Variants in ADAM10 observed in about 807,000 individuals in gnomAD.
ADAM10 encodes disintegrin and metalloproteinase domain-containing protein 10.
A neutral mutation model predicts 90.1 loss-of-function variants in ADAM10; 17 were observed. The observed-to-expected ratio is 0.19, with a 90% CI of 0.13 to 0.28. The LOEUF is 0.28. Ranked by LOEUF, ADAM10 falls within the 10% of genes least tolerant of loss-of-function variation. The pLI, the probability that ADAM10 is intolerant of heterozygous loss-of-function variation, is 1.00. For missense variants in ADAM10, 610 were observed against 914.3 expected (o/e 0.67, Z 4.29); for synonymous variants, 310 against 298.6 (o/e 1.04, Z -0.40).
At chr15:58,640,583 C>G (rs868703299) in intron 8 of ADAM10, among the ~76,000 whole-genome samples, 194 bp downstream of exon 8, 1 of 152,036 alleles carries the variant, frequency 6.6e-6, no homozygotes, top group Non-Finnish European at 1.5e-5. Context: ...TCCCTGTATG[C>G]GTTTCAAAAT....
intron 2 of ADAM10, among the ~76,000 whole-genome samples, chr15:58,694,714 G>A (rs936602203): frequency 6.6e-6 from 1 of 150,528 alleles, no homozygotes; most frequent in Non-Finnish European, 1.5e-5. Context: ...AGAGAAAGAT[G>A]TATTCATATA....
chr15:58,686,470 G>A, intron 2 of ADAM10: 2 of 1,395,588 alleles, frequency 1.4e-6, no homozygotes, highest in Non-Finnish European at 2.0e-6. Context: ...TCAAGTTGGA[G>A]GCTGGCGTGG....
At chr15:58,623,309 G>C (rs1895843346) in intron 10 of ADAM10, among the ~76,000 whole-genome samples, 1 of 152,194 alleles carries the variant, frequency 6.6e-6, no homozygotes, top group Admixed American at 6.5e-5. Flanking sequence ...TGGGAACCCA[G>C]ACCCTCAGGG....
At chr15:58,741,514 C>T (rs1419645800) in intron 1 of ADAM10, among the ~76,000 whole-genome samples, 1 of 152,192 alleles carries the variant, frequency 6.6e-6, no homozygotes, top group Non-Finnish European at 1.5e-5. Flanking sequence ...CAGACGCTGA[C>T]ACCCATCCCA....
At chr15:58,661,926 C>G (rs987709923) in intron 5 of ADAM10, among the ~76,000 whole-genome samples, 3 of 152,044 alleles carry the variant, frequency 2.0e-5, no homozygotes, top group Non-Finnish European at 4.4e-5. Context: ...CCATTTGGTT[C>G]TTTATTAGAA....
At chr15:58,633,945 G>A (rs1344389955) in intron 8 of ADAM10, among the ~76,000 whole-genome samples, 3 of 150,580 alleles carry the variant, frequency 2.0e-5, no homozygotes, top group Non-Finnish European at 3.0e-5. Context: ...AGGAAAAAGA[G>A]AAGATGGGTG....
rs116297074 is a variant in ADAM10 at position 58,627,484 on chromosome 15, T to C, written c.1360+216A>G. Among the ~76,000 whole-genome samples the C allele has an allele frequency of 8.3e-3, 1,264 of 152,274 alleles. 22 individuals are homozygous for C. Among genetic ancestry groups the C allele is most frequent in the African/African-American group, 0.029 (1,212 of 41,550 alleles). Reference sequence around the variant, plus strand: ...ATTTGCAGACTAAAATGTTTAGGTGTGAAGTATACTGATGGCTGCAACTTA... The same window carrying C: ...ATTTGCAGACTAAAATGTTTAGGTGCGAAGTATACTGATGGCTGCAACTTA... On this transcript the variant is annotated intron_variant, in intron 10 of 15. Coordinates refer to ENST00000260408, the MANE Select transcript of ADAM10 (RefSeq NM_001110.4).
At chr15:58,726,567 CAAAAAAAAAAA>C (rs71116593) in intron 1 of ADAM10, among the ~76,000 whole-genome samples, 7 of 20,776 alleles carry the variant, frequency 3.4e-4, no homozygotes, top group Admixed American at 3.4e-3. Flanking sequence ...CTCAGTCTCC[CAAAAAAAAAAA>C]AAAAAAAAAA....
chr15:58,731,511 C>T (rs1899239589), intron 1 of ADAM10, among the ~76,000 whole-genome samples: 1 of 152,036 alleles, frequency 6.6e-6, no homozygotes, highest in African/African-American at 2.4e-5. Context: ...ACTTGTTGTC[C>T]CAGCTGCTCA....
intron 2 of ADAM10, among the ~76,000 whole-genome samples, chr15:58,698,772 T>C (rs1898050644): frequency 1.3e-5 from 2 of 151,866 alleles, no homozygotes; most frequent in Non-Finnish European, 2.9e-5. Flanking sequence ...TAAAGAAGAA[T>C]AAACACAGCA....
intron 4 of ADAM10, chr15:58,672,309 A>T (rs1433383318): frequency 6.4e-6 from 1 of 155,470 alleles, no homozygotes; most frequent in Non-Finnish European, 1.4e-5. Context: ...TGGTAAAAGA[A>T]GATCCTAAGA....
intron 1 of ADAM10, among the ~76,000 whole-genome samples, chr15:58,733,934 C>T (rs1899345898): frequency 6.7e-6 from 1 of 150,264 alleles, no homozygotes; most frequent in Admixed American, 6.6e-5. Context: ...AATAATATTA[C>T]ACTAAGGCTG....
chr15:58,714,216 A>G (rs1898574362), intron 2 of ADAM10, among the ~76,000 whole-genome samples: 1 of 152,012 alleles, frequency 6.6e-6, no homozygotes, highest in Non-Finnish European at 1.5e-5. Context: ...GAAAACTTGG[A>G]AGCCATGCTG....
At position 58,592,079 on chromosome 15, in the gene ADAM10, T is replaced by C. The variant is rs1392025150; in HGVS notation, c.*5468A>G. 3 of 152,224 alleles carry C rather than the reference T, an allele frequency of 2.0e-5. No individual in the cohort carries two copies. The highest frequency in any genetic ancestry group is 4.4e-5 in the Non-Finnish European group (3 of 68,056). The allele number at this position is 152,224 out of a possible 1,614,324, so 9.4% of individuals were successfully genotyped here. ...CCCTTGTATATTATTTGTCCCTCTG[T>C]CCCCTGTATTTCTAATGAAGGGGTA... On this transcript the variant is annotated 3_prime_UTR_variant, in exon 16 of 16. Transcript: ENST00000260408.
At chr15:58,675,215 C>T (rs1190084321) in intron 4 of ADAM10, among the ~76,000 whole-genome samples, 2 of 152,100 alleles carry the variant, frequency 1.3e-5, no homozygotes, top group Admixed American at 1.3e-4. Flanking sequence ...CTGGGCTTTT[C>T]TATACCCCAC....
intron 5 of ADAM10, among the ~76,000 whole-genome samples, chr15:58,661,380 C>A (rs1430947422): frequency 6.6e-6 from 1 of 152,012 alleles, no homozygotes; most frequent in Non-Finnish European, 1.5e-5. Context: ...TTAAAAAGAT[C>A]TTTAATTTGC....
At chr15:58,632,052 G>A (rs1232879770) in intron 9 of ADAM10, among the ~76,000 whole-genome samples, 1 of 152,168 alleles carries the variant, frequency 6.6e-6, no homozygotes, top group African/African-American at 2.4e-5. Context: ...TTGCACTTTT[G>A]CAAGTGATAA....
At position 58,694,525 on chromosome 15, in the gene ADAM10, G is replaced by A. The variant is rs150272357; in HGVS notation, c.207-12211C>T. On this transcript the variant is annotated intron_variant, in intron 2 of 15. Coordinates refer to ENST00000260408, the MANE Select transcript of ADAM10 (RefSeq NM_001110.4). ...AATCCCAGTACTTTGGGAGGCTGAG[G>A]GAAACCCCATCTAAAACAAACAAAC... Among the ~76,000 whole-genome samples the A allele has an allele frequency of 2.6e-5, 4 of 152,110 alleles. No homozygotes were observed. In the East Asian group the frequency reaches 5.8e-4, roughly 22 times the overall value.
rs1292584560 is a variant in ADAM10 at position 58,621,096 on chromosome 15, T to TA, written c.1511+374dup. 8.5e-3 allele frequency among the ~76,000 whole-genome samples: 1,256 copies of TA among 148,490 alleles called. 16 individuals are homozygous for TA. The highest frequency in any genetic ancestry group is 0.029 in the African/African-American group (1,185 of 40,616). On this transcript the variant is annotated intron_variant, in intron 11 of 15. Coordinates refer to ENST00000260408, the MANE Select transcript of ADAM10 (RefSeq NM_001110.4). Reference sequence around the variant, plus strand: ...TGGGCAAATGGCGTAACTCTGTCTCTAAAAAAAAATACAAAAATTAGCTGG... The same window carrying TA: ...TGGGCAAATGGCGTAACTCTGTCTCTAAAAAAAAAATACAAAAATTAGCTGG...
Sources: gnomAD v4.1 joint callset for allele counts (sites outside exome capture counted in the v4.1 genomes callset) on GRCh38, gnomAD v4.1.1 for gene constraint, MANE v1.5 for transcripts, NCBI Gene and HGNC (gene_info 2026-07-23, HGNC 2026-07-21) for gene names.